SUMF1: variants seen among roughly 807,000 people sequenced by gnomAD.
The protein encoded by SUMF1 is formylglycine-generating enzyme.
Under a neutral mutation model 47.6 loss-of-function variants are expected in SUMF1, and 48 were observed. That is an observed-to-expected ratio of 1.01 (90% CI 0.80 to 1.28). SUMF1 has a LOEUF of 1.28. Among genes scored for constraint, SUMF1 ranks in the 50% most tolerant of loss-of-function variants. The probability of loss-of-function intolerance (pLI) is 0.00; values close to 1 mark genes in which losing one functional copy is unlikely to be tolerated. For synonymous variants in SUMF1, 230 were observed against 192.1 expected, an observed-to-expected ratio of 1.20 and a Z score of -1.63; for missense variants, 571 against 485.4, an observed-to-expected ratio of 1.18 and a Z score of -1.66.
At chr3:4,455,508 G>A (rs1279471753) in intron 1 of SUMF1, among the ~76,000 whole-genome samples, 2 of 152,182 alleles carry the variant, frequency 1.3e-5, no homozygotes, top group Non-Finnish European at 2.9e-5. Context: ...CTGAGGTCAA[G>A]AATTTCAGGC....
chr3:4,036,382 A>G (rs1244752213), intron 9 of SUMF1, among the ~76,000 whole-genome samples: 1 of 152,166 alleles, frequency 6.6e-6, no homozygotes, highest in Non-Finnish European at 1.5e-5. Flanking sequence ...CCAGATGTTC[A>G]GGGAGAGACC....
At chr3:4,446,466 T>G (rs1427510951) in intron 3 of SUMF1, among the ~76,000 whole-genome samples, 1 of 152,226 alleles carries the variant, frequency 6.6e-6, no homozygotes, top group Admixed American at 6.5e-5. Flanking sequence ...TCTTTATAAA[T>G]TACCCAATCT....
chr3:4,318,316 GTA>G (rs1698739638), intron 8 of SUMF1, among the ~76,000 whole-genome samples: 2 of 152,220 alleles, frequency 1.3e-5, no homozygotes, highest in East Asian at 3.9e-4. Flanking sequence ...AGTAAATCCA[GTA>G]TATTAATGGG....
At chr3:4,445,354 C>T (rs1702744348) in intron 3 of SUMF1, among the ~76,000 whole-genome samples, 1 of 152,014 alleles carries the variant, frequency 6.6e-6, no homozygotes, top group Non-Finnish European at 1.5e-5. Flanking sequence ...GTTTTCTCCC[C>T]AGAGACAGGG....
chr3:4,209,477 G>C (rs1334910084), intron 8 of SUMF1, among the ~76,000 whole-genome samples: 2 of 152,032 alleles, frequency 1.3e-5, no homozygotes, highest in Non-Finnish European at 2.9e-5. Flanking sequence ...GATCCTTCCA[G>C]TATTTAAATT....
chr3:4,465,019 A>T (rs917532548), intron 1 of SUMF1, among the ~76,000 whole-genome samples: 1 of 152,256 alleles, frequency 6.6e-6, no homozygotes, highest in Non-Finnish European at 1.5e-5. Context: ...TCCACATCCC[A>T]TTCTGGAACC....
At chr3:4,303,900 C>T (rs1179839524) in intron 8 of SUMF1, 4 of 1,238,394 alleles carry the variant, frequency 3.2e-6, no homozygotes, top group Non-Finnish European at 4.2e-6. Context: ...ATTAATGGAT[C>T]GCAGCCGGTG....
rs752380814 is a variant in SUMF1 at position 4,376,317 on chromosome 3, T to TGACA, written c.1014+9_1014+12dup. On this transcript the variant is annotated intron_variant, in intron 8 of 8. Transcript: ENST00000272902. ...GAACAAGAACGGCAAAACAGTTTAG[T>TGACA]GACATGACTTACCCTATGGCACATG... 3.7e-6 allele frequency: 6 copies of TGACA among 1,614,136 alleles called. No homozygotes were observed. In the South Asian group the frequency reaches 6.6e-5, roughly 18 times the overall value.
chr3:4,218,319 C>G (rs1695984914), intron 8 of SUMF1, among the ~76,000 whole-genome samples: 2 of 151,950 alleles, frequency 1.3e-5, no homozygotes, highest in South Asian at 4.1e-4. Context: ...AAAAATGAAG[C>G]AAAAATGGCA....
intron 7 of SUMF1, among the ~76,000 whole-genome samples, chr3:4,399,960 T>C (rs1701156974): frequency 6.6e-6 from 1 of 152,110 alleles, no homozygotes; most frequent in Admixed American, 6.5e-5. Flanking sequence ...AGTTTCACCA[T>C]GTTAGCCAGG....
chr3:4,441,364 C>T (rs943816636), intron 3 of SUMF1, among the ~76,000 whole-genome samples: 2 of 152,178 alleles, frequency 1.3e-5, no homozygotes, highest in Admixed American at 6.5e-5. Context: ...ACTGATTCTA[C>T]ATTATGGTGA....
chr3:4,396,914 T>TTGTGAAACACAAGG lies in SUMF1; in HGVS notation c.954+13950_954+13951insCCTTGTGTTTCACA, dbSNP rs534030769. On this transcript the variant is annotated intron_variant, in intron 7 of 8. Coordinates refer to ENST00000272902, the MANE Select transcript of SUMF1 (RefSeq NM_182760.4). Reference sequence around the variant, plus strand: ...CTGTGAAACACAAGGCTATAAAGCATCTATGTGCTGAAAACCAGTCAACCT... The same window carrying TTGTGAAACACAAGG: ...CTGTGAAACACAAGGCTATAAAGCATTGTGAAACACAAGGCTATGTGCTGAAAACCAGTCAACCT... 2.0e-5 allele frequency among the ~76,000 whole-genome samples: 3 copies of TTGTGAAACACAAGG among 152,198 alleles called. No homozygotes were observed. The South Asian group carries it at 6.2e-4, about 32-fold the overall frequency.
chr3:4,304,534 G>C (rs1045578819), intron 8 of SUMF1, among the ~76,000 whole-genome samples: 1 of 152,224 alleles, frequency 6.6e-6, no homozygotes, highest in African/African-American at 2.4e-5. Flanking sequence ...AGCGCTGGAC[G>C]TGGAAGTTGG....
intron 3 of SUMF1, among the ~76,000 whole-genome samples, chr3:4,441,378 G>C (rs1338348632): frequency 6.6e-6 from 1 of 152,122 alleles, no homozygotes; most frequent in East Asian, 1.9e-4. Context: ...ATGGTGAGTT[G>C]TATCATTATT....
At chr3:4,041,546 G>C (rs1251629136) in intron 9 of SUMF1, among the ~76,000 whole-genome samples, 2 of 152,194 alleles carry the variant, frequency 1.3e-5, no homozygotes, top group African/African-American at 4.8e-5. Context: ...GCAGCAGATG[G>C]TAAAATTCCC....
intron 7 of SUMF1, among the ~76,000 whole-genome samples, chr3:4,397,447 T>C (rs963648165): frequency 3.9e-5 from 6 of 152,226 alleles, no homozygotes; most frequent in Non-Finnish European, 5.9e-5. Flanking sequence ...TTAGTCTCAC[T>C]AGGGATCTAT....
intron 8 of SUMF1, among the ~76,000 whole-genome samples, chr3:4,157,188 A>G (rs1468252475): frequency 1.3e-5 from 2 of 151,540 alleles, no homozygotes. Context: ...TAGGTTATTT[A>G]GCATCACAGA....
intron 3 of SUMF1, among the ~76,000 whole-genome samples, chr3:4,431,737 T>C (rs1176853908): frequency 6.6e-6 from 1 of 152,168 alleles, no homozygotes; most frequent in Non-Finnish European, 1.5e-5. Flanking sequence ...AGCCCTGAAG[T>C]CACAGACCAA....
In SUMF1 at chr3:4,361,162, C is replaced by G. The variant is rs151120160; in HGVS notation, c.*982G>C. 2.0e-5 allele frequency: 3 copies of G among 152,342 alleles called. No individual in the cohort carries two copies. Among genetic ancestry groups the G allele is most frequent in the African/African-American group, 7.2e-5 (3 of 41,440 alleles). 9.4% of individuals were successfully genotyped at this position (152,342 alleles called of 1,614,324 possible). On this transcript the variant is annotated 3_prime_UTR_variant, in exon 9 of 9. Transcript: ENST00000272902. ...ACGGTGAAGCCTGATTTAGCAGATA[C>G]GTTTATTCAACACAGTGCATGATTC...
Sources: allele counts gnomAD v4.1 joint callset (sites outside exome capture counted in the v4.1 genomes callset), GRCh38; gene constraint gnomAD v4.1.1; transcripts MANE v1.5; gene names NCBI Gene and HGNC (gene_info 2026-07-23, HGNC 2026-07-21).